Variants in TMEM59L observed in about 807,000 individuals in gnomAD.
TMEM59L encodes transmembrane protein 59-like.
A neutral mutation model predicts 39.6 loss-of-function variants in TMEM59L; 31 were observed. The ratio of observed to expected loss-of-function variants is 0.78; its 90% CI spans 0.59 to 1.06. The LOEUF (loss-of-function observed/expected upper bound fraction) is 1.06, where lower values mean the gene tolerates loss of function less well. TMEM59L is among the 50% of genes least tolerant of loss of function. The pLI is 0.00. For missense variants in TMEM59L, 441 were observed against 451.3 expected (o/e 0.98, Z 0.21); for synonymous variants, 219 against 202.9 (o/e 1.08, Z -0.68).
At position 18,616,008 on chromosome 19, in the gene TMEM59L, T is replaced by C. The variant is rs930326183; in HGVS notation, c.442T>C (p.Ser148Pro). ...KVLEAPSGAL[S>P]LLDLFSTLCN... The stretch of plus-strand genomic sequence containing the variant: ...CCTGGAGGCTCCAAGTGGGGCCCTC[T>C]CCCTCTTGGACTTGTTTTCCACCCT... The change falls in exon 4 of 8, where the codon TCC (serine) becomes CCC (proline). Residue 148 changes from serine (S) to proline (P), a missense_variant. Physicochemically the swap from Ser to Pro is moderately conservative, Grantham distance 74. Transcript: ENST00000262817. 3 of 1,613,954 alleles carry C rather than the reference T, an allele frequency of 1.9e-6. No individual in the cohort carries two copies. The African/African-American group carries it at 4.0e-5, about 22-fold the overall frequency.
chr19:18,619,947 C>T (rs565014740), intron 7 of TMEM59L, among the ~76,000 whole-genome samples: 1 of 150,620 alleles, frequency 6.6e-6, no homozygotes, highest in East Asian at 2.0e-4. Flanking sequence ...CACTATACTC[C>T]AGCCTGGACA....
At position 18,620,507 on chromosome 19, in the gene TMEM59L, A is replaced by C. The variant is rs1345942736; in HGVS notation, c.1000A>C (p.Lys334Gln). 1 of 1,613,634 alleles carries C rather than the reference A, an allele frequency of 6.2e-7. No homozygotes were observed. The highest frequency in any genetic ancestry group is 1.7e-4 in the Middle Eastern group (1 of 6,058). ...HACEDSLPPY[K>Q]LKLDLTKL is the part of the protein sequence containing the mutation. ...CTGTGAGGACAGCCTACCACCCTAC[A>C]AGCTGAAGCTGGACCTGACCAAGCT... Residue 334 changes from lysine (K) to glutamine (Q), a missense_variant, in exon 8 of 8, where the codon AAG becomes CAG. Transcript: ENST00000262817.
chr19:18,620,405 C>A lies in TMEM59L; in HGVS notation c.901-3C>A, dbSNP rs769929708. ...ACTTCCCTCCTCCCCTCTCTTCCTG[C>A]AGCCTCTGACCCTGGAGCAGCACAA... On this transcript the variant is annotated splice_polypyrimidine_tract_variant and splice_region_variant and intron_variant, in intron 7 of 7. Transcript: ENST00000262817. The A allele has an allele frequency of 9.9e-6, 16 of 1,608,676 alleles. No homozygotes were observed. In the South Asian group the frequency reaches 1.7e-4, roughly 17 times the overall value.
At chr19:18,615,910 C>T (rs539280313) in intron 3 of TMEM59L, 65 bp from the exon 4 acceptor site, 16 of 1,567,834 alleles carry the variant, frequency 1.0e-5, no homozygotes, top group Non-Finnish European at 1.3e-5. Context: ...ATCCTGCCCC[C>T]TCCCATTCAT....
chr19:18,617,150 C>T, intron 5 of TMEM59L, 48 bp downstream of exon 5: 1 of 1,451,418 alleles, frequency 6.9e-7, no homozygotes, highest in South Asian at 1.1e-5. Flanking sequence ...GGCCCCACTG[C>T]CACAAGGAGT....
chr19:18,618,523 G>A (rs376331148), intron 7 of TMEM59L, 31 bp downstream of exon 7: 22 of 1,580,952 alleles, frequency 1.4e-5, no homozygotes, highest in African/African-American at 2.7e-5. Context: ...GCGCTGGGCC[G>A]AGGGAGGGGG....
At position 18,612,937 on chromosome 19, in the gene TMEM59L, GC is replaced by G. The variant is rs1568445677; in HGVS notation, c.-16del. ...CCCGGCCTGAGCTGGAGTCCCCCGCGCCCCCCGCGTTCCGCCCGGCCATGGC... is the reference window on the plus strand; with the variant it reads ...CCCGGCCTGAGCTGGAGTCCCCCGCGCCCCCGCGTTCCGCCCGGCCATGGC... On this transcript the variant is annotated 5_prime_UTR_variant, in exon 1 of 8. Transcript: ENST00000262817. The surrounding 1 kb of genome is among the most constrained non-coding windows in gnomAD (Gnocchi z 6.2). The G allele has an allele frequency of 1.6e-6, 2 of 1,289,358 alleles. No homozygotes were observed. Among genetic ancestry groups the G allele is most frequent in the Non-Finnish European group, 9.8e-7 (1 of 1,022,512 alleles). 79.9% of individuals were successfully genotyped at this position (1,289,358 alleles called of 1,614,324 possible).
rs140425573 is a variant in TMEM59L at position 18,618,942 on chromosome 19, G to A, written c.900+450G>A. Reference sequence around the variant, plus strand: ...ACTCCTGACCTCAGGTGATCCATCCGCCTCTGCCTCCCAAAGTGCTGGGAT... The same window carrying A: ...ACTCCTGACCTCAGGTGATCCATCCACCTCTGCCTCCCAAAGTGCTGGGAT... On this transcript the variant is annotated intron_variant, in intron 7 of 7. Transcript: ENST00000262817. 6.3e-3 allele frequency among the ~76,000 whole-genome samples: 953 copies of A among 151,656 alleles called. 15 individuals are homozygous for A. The highest frequency in any genetic ancestry group is 0.022 in the African/African-American group (917 of 41,320).
At chr19:18,615,834 C>G in intron 3 of TMEM59L, 141 bp from the exon 4 acceptor site, 1 of 1,027,802 alleles carries the variant, frequency 9.7e-7, no homozygotes, top group Non-Finnish European at 1.4e-6. Context: ...TCTCAAACTT[C>G]TGGCCTCAAG....
In TMEM59L at chr19:18,614,144, C is replaced by T. The variant is rs765348220; in HGVS notation, c.357C>T (p.Ala119=). Residue 119 remains alanine (A), a synonymous_variant, in exon 3 of 8, where the codon GCC becomes GCT. Coordinates refer to ENST00000262817, the MANE Select transcript of TMEM59L (RefSeq NM_012109.3). ...ATGTGAAGGAGGCAGAGCAGCAGGC[C>T]TGTAGCCACGGCTGCTGGAGCCAGC... ...EAYVKEAEQQ[A]CSHGCWSQPA... The T allele has an allele frequency of 3.7e-6, 6 of 1,609,640 alleles. No homozygotes were observed. The highest frequency in any genetic ancestry group is 1.7e-5 in the Admixed American group (1 of 59,686).
At chr19:18,615,915 A>T in intron 3 of TMEM59L, 60 bp from the exon 4 acceptor site, 1 of 1,576,816 alleles carries the variant, frequency 6.3e-7, no homozygotes. Context: ...GCCCCCTCCC[A>T]TTCATTGGTT....
chr19:18,616,945 G>A, intron 4 of TMEM59L, 55 bp from the exon 5 acceptor site: 1 of 1,394,286 alleles, frequency 7.2e-7, no homozygotes, highest in South Asian at 1.3e-5. Context: ...GGCCTGCCTG[G>A]GCCCAGGGGT....
At position 18,612,884 on chromosome 19, in the gene TMEM59L, C is replaced by T. The variant is rs1018858090; in HGVS notation, c.-75C>T. The T allele has an allele frequency of 8.2e-7, 1 of 1,214,708 alleles. No individual in the cohort carries two copies. Among genetic ancestry groups the T allele is most frequent in the South Asian group, 3.4e-5 (1 of 29,192 alleles). The allele number at this position is 1,214,708 out of a possible 1,614,324, so 75.2% of individuals were successfully genotyped here. A position where few individuals can be genotyped will look rare whatever the true frequency, so the allele number is the denominator to read the frequency against. ...GCTCGGGTGACGTCAGCGCCCCGGT[C>T]CCCGCCGCAGCCGCTGCATCCTCCG... On this transcript the variant is annotated 5_prime_UTR_variant, in exon 1 of 8. Transcript: ENST00000262817. This position sits in a 1 kb window ranked among gnomAD's most constrained non-coding sequence, Gnocchi z 6.2.
intron 3 of TMEM59L, 34 bp downstream of exon 3, chr19:18,614,229 C>G: frequency 6.5e-7 from 1 of 1,545,884 alleles, no homozygotes; most frequent in South Asian, 1.2e-5. Context: ...GGTCCCTTTT[C>G]CCAATACCCC....
At chr19:18,613,251 G>C (rs1413286866) in intron 1 of TMEM59L, 122 bp downstream of exon 1, 17 of 1,055,332 alleles carry the variant, frequency 1.6e-5, no homozygotes, top group Non-Finnish European at 2.1e-5. Flanking sequence ...CCGTGGGGAG[G>C]TGGGGGTCGG....
At chr19:18,618,646 C>CGT (rs10580494) in intron 7 of TMEM59L, among the ~76,000 whole-genome samples, 154 bp downstream of exon 7, 1,543 of 125,262 alleles carry the variant, frequency 0.012, 18 homozygotes, top group South Asian at 0.024. Flanking sequence ...TATACATATA[C>CGT]GTGTGTGTGT....
rs201676189 is a variant in TMEM59L at position 18,618,509 on chromosome 19, A to T, written c.900+17A>T. On this transcript the variant is annotated intron_variant, in intron 7 of 7. Transcript: ENST00000262817. Reference sequence around the variant, plus strand: ...AAGTTCCAGGTGGGTGGGATCTGTGAATGGCGCTGGGCCGAGGGAGGGGGT... The same window carrying T: ...AAGTTCCAGGTGGGTGGGATCTGTGTATGGCGCTGGGCCGAGGGAGGGGGT... 6.2e-5 allele frequency: 99 copies of T among 1,595,378 alleles called. No homozygotes were observed. The Admixed American group carries it at 1.7e-3, about 27-fold the overall frequency.
chr19:18,614,051 G>GAGAGGTGGCC (rs778959685), intron 2 of TMEM59L, 35 bp downstream of exon 2: 2 of 1,613,060 alleles, frequency 1.2e-6, no homozygotes, highest in Admixed American at 3.3e-5. Flanking sequence ...CCAGCGTGGG[G>GAGAGGTGGCC]AGAGGTGGCC....
chr19:18,612,938 C>A lies in TMEM59L; in HGVS notation c.-21C>A, dbSNP rs982892736. 1 of 1,291,684 alleles carries A rather than the reference C, an allele frequency of 7.7e-7. No homozygotes were observed. The highest frequency in any genetic ancestry group is 9.8e-7 in the Non-Finnish European group (1 of 1,023,864). 80.0% of individuals were successfully genotyped at this position (1,291,684 alleles called of 1,614,324 possible). On this transcript the variant is annotated 5_prime_UTR_variant, in exon 1 of 8. Coordinates refer to ENST00000262817, the MANE Select transcript of TMEM59L (RefSeq NM_012109.3). The surrounding 1 kb of genome is among the most constrained non-coding windows in gnomAD (Gnocchi z 6.2). ...CCGGCCTGAGCTGGAGTCCCCCGCG[C>A]CCCCCGCGTTCCGCCCGGCCATGGC...
Sources: allele counts gnomAD v4.1 joint callset (sites outside exome capture counted in the v4.1 genomes callset), GRCh38; gene constraint gnomAD v4.1.1; non-coding constraint Gnocchi (gnomAD v3.1); transcripts MANE v1.5; gene names NCBI Gene and HGNC (gene_info 2026-07-23, HGNC 2026-07-21).